RNF130: variants seen among roughly 807,000 people sequenced by gnomAD.
RNF130 encodes the protein E3 ubiquitin-protein ligase RNF130.
A neutral mutation model predicts 44.6 loss-of-function variants in RNF130; 21 were observed. That is an observed-to-expected ratio of 0.47 (90% confidence interval 0.33 to 0.68). The LOEUF is 0.68. Ranked by LOEUF, RNF130 falls within the 30% of genes least tolerant of loss-of-function variation. The pLI is 0.02. For synonymous variants in RNF130, 214 were observed against 210.4 expected (o/e 1.02, Z -0.15); for missense variants, 479 against 560.6 (o/e 0.85, Z 1.47).
chr5:180,067,413 A>G (rs1765133085), intron 1 of RNF130, among the ~76,000 whole-genome samples: 1 of 152,238 alleles, frequency 6.6e-6, no homozygotes, highest in South Asian at 2.1e-4. Flanking sequence ...TCACAAAGAG[A>G]AGAGCAGCAG....
chr5:180,071,332 TG>T, intron 1 of RNF130, 123 bp downstream of exon 1: 1 of 979,838 alleles, frequency 1.0e-6, no homozygotes, highest in Non-Finnish European at 1.3e-6. Context: ...GCCTCGACCC[TG>T]GCTGGGGCTG....
intron 7 of RNF130, among the ~76,000 whole-genome samples, chr5:179,937,818 A>G (rs1397355731): frequency 6.6e-6 from 1 of 152,112 alleles, no homozygotes; most frequent in Non-Finnish European, 1.5e-5. Flanking sequence ...GTGGATGAGG[A>G]GATGAACAAA....
chr5:179,923,340 C>CTAT (rs1219116178), intron 7 of RNF130, among the ~76,000 whole-genome samples: 3 of 152,070 alleles, frequency 2.0e-5, no homozygotes, highest in Non-Finnish European at 4.4e-5. Flanking sequence ...TATGGAAAAT[C>CTAT]TATTGATTGT....
intron 7 of RNF130, among the ~76,000 whole-genome samples, chr5:179,930,352 G>C (rs982419491): frequency 3.3e-5 from 5 of 152,044 alleles, no homozygotes; most frequent in African/African-American, 1.2e-4. Flanking sequence ...CACTGCACCC[G>C]GCCAAAAATT....
At chr5:180,053,471 T>C (rs1031616829) in intron 1 of RNF130, among the ~76,000 whole-genome samples, 1 of 152,034 alleles carries the variant, frequency 6.6e-6, no homozygotes, top group African/African-American at 2.4e-5. Context: ...CAAGACAAAT[T>C]AAGCTTTAAG....
At chr5:179,923,165 A>G (rs531834556) in intron 7 of RNF130, among the ~76,000 whole-genome samples, 2 of 152,264 alleles carry the variant, frequency 1.3e-5, no homozygotes, top group East Asian at 3.9e-4. Flanking sequence ...GAAGCTTTAT[A>G]GTTTTAGTTC....
At chr5:179,998,925 A>G (rs1763269613) in intron 3 of RNF130, among the ~76,000 whole-genome samples, 1 of 141,490 alleles carries the variant, frequency 7.1e-6, no homozygotes, top group African/African-American at 2.6e-5. Context: ...GTGTATATAT[A>G]TTTACAATGA....
chr5:179,968,687 A>G lies in RNF130; in HGVS notation c.946-1677T>C, dbSNP rs57945500. 7.5e-3 allele frequency among the ~76,000 whole-genome samples: 1,139 copies of G among 151,128 alleles called. 15 individuals are homozygous for G. The highest frequency in any genetic ancestry group is 0.025 in the African/African-American group (1,031 of 40,996). On this transcript the variant is annotated intron_variant, in intron 6 of 8. Coordinates refer to ENST00000521389, the MANE Select transcript of RNF130 (RefSeq NM_018434.6). ...TCTCATAAAAAAAAAAAAAAAAAAA[A>G]AGAGAGAAAGTTTCTACACTGTGCT...
At chr5:179,954,152 C>A (rs1762167155), downstream of RNF130, among the ~76,000 whole-genome samples, 2 of 152,162 alleles carry the variant, frequency 1.3e-5, no homozygotes, top group African/African-American at 4.8e-5. Flanking sequence ...GGTGAGAATG[C>A]AAAATGGTGC....
chr5:180,062,384 C>G (rs1327987556), intron 1 of RNF130, among the ~76,000 whole-genome samples: 1 of 152,026 alleles, frequency 6.6e-6, no homozygotes, highest in Non-Finnish European at 1.5e-5. Flanking sequence ...TATAAGGGCA[C>G]TAATCCCATT....
intron 7 of RNF130, among the ~76,000 whole-genome samples, chr5:179,922,479 A>AT (rs1314935236): frequency 6.6e-6 from 1 of 151,748 alleles, no homozygotes; most frequent in African/African-American, 2.4e-5. Context: ...TGCCCAGCTA[A>AT]TTTTTGTATT....
At chr5:179,956,721 C>T (rs1467695361) in intron 8 of RNF130, among the ~76,000 whole-genome samples, 3 of 152,204 alleles carry the variant, frequency 2.0e-5, no homozygotes, top group African/African-American at 4.8e-5. Flanking sequence ...AAAGGTAAGG[C>T]GGCAGCTCCG....
chr5:180,061,098 T>C (rs1400377245), intron 1 of RNF130, among the ~76,000 whole-genome samples: 5 of 136,992 alleles, frequency 3.6e-5, no homozygotes, highest in African/African-American at 1.4e-4. Context: ...AAAAAAGCTA[T>C]GTTCATGCAT....
chr5:180,061,586 C>T (rs950371084), intron 1 of RNF130, among the ~76,000 whole-genome samples: 7 of 152,206 alleles, frequency 4.6e-5, no homozygotes, highest in African/African-American at 1.7e-4. Flanking sequence ...ATCCTTTGCA[C>T]CCGCCGGTTT....
chr5:180,024,631 G>A (rs1039247974), intron 2 of RNF130, among the ~76,000 whole-genome samples: 1 of 152,116 alleles, frequency 6.6e-6, no homozygotes, highest in Non-Finnish European at 1.5e-5. Flanking sequence ...AATAAATGTT[G>A]AGAGAATTCA....
intron 3 of RNF130, among the ~76,000 whole-genome samples, chr5:179,985,153 C>CTTTTTTT (rs34998254): frequency 2.1e-4 from 19 of 91,976 alleles, no homozygotes; most frequent in Non-Finnish European, 3.1e-4. Flanking sequence ...TACCCCCTAA[C>CTTTTTTT]TTTTTTTTTT....
chr5:180,001,980 C>T (rs1433867750), intron 3 of RNF130, among the ~76,000 whole-genome samples: 1 of 152,230 alleles, frequency 6.6e-6, no homozygotes, highest in Non-Finnish European at 1.5e-5. Context: ...TGCACAACTG[C>T]TCAGTCTGGC....
rs534150047 is a variant in RNF130 at position 179,978,489 on chromosome 5, A to G, written c.766-204T>C. On this transcript the variant is annotated intron_variant, in intron 4 of 8. Transcript: ENST00000521389. The stretch of plus-strand genomic sequence containing the variant: ...GTCAATCTATTTTGTTTTAAAAATT[A>G]TAACAATCTATATTAATTTTGTTAT... Among the ~76,000 whole-genome samples, 21 of 152,362 alleles carry G rather than the reference A, an allele frequency of 1.4e-4. No homozygotes were observed. The South Asian group carries it at 3.1e-3, about 23-fold the overall frequency.
chr5:179,990,460 C>A (rs1582168372), intron 3 of RNF130, among the ~76,000 whole-genome samples: 1 of 152,160 alleles, frequency 6.6e-6, no homozygotes, highest in Non-Finnish European at 1.5e-5. Flanking sequence ...GGACCAGGGG[C>A]GTGACCGCTG....
Sources: allele counts gnomAD v4.1 joint callset (sites outside exome capture counted in the v4.1 genomes callset), GRCh38; gene constraint gnomAD v4.1.1; transcripts MANE v1.5; gene names NCBI Gene and HGNC (gene_info 2026-07-23, HGNC 2026-07-21).